SULT2B1: variants seen among roughly 807,000 people sequenced by gnomAD.
SULT2B1 encodes sulfotransferase family 2B member 1.
Under a neutral mutation model 33.2 loss-of-function variants are expected in SULT2B1, and 16 were observed. The observed-to-expected ratio is 0.48, with a 90% CI of 0.33 to 0.73. SULT2B1 has a LOEUF of 0.73. Among genes scored for constraint, SULT2B1 ranks in the 30% least tolerant of loss-of-function variants. SULT2B1 has a pLI of 0.02. For missense variants in SULT2B1, 500 were observed against 506.0 expected (o/e 0.99, Z 0.11); for synonymous variants, 186 against 200.5 (o/e 0.93, Z 0.61).
At chr19:48,568,281 A>G (rs12610737) in intron 1 of SULT2B1, among the ~76,000 whole-genome samples, 77,220 of 144,550 alleles carry the variant, frequency 0.53, 21,240 homozygotes, top group African/African-American at 0.65. Context: ...GTGAGACTCC[A>G]TCTCAAAAAA....
intron 2 of SULT2B1, among the ~76,000 whole-genome samples, chr19:48,582,940 C>T (rs1973512453): frequency 1.3e-5 from 2 of 148,804 alleles, no homozygotes; most frequent in Non-Finnish European, 3.0e-5. Context: ...ATAGCTTAAG[C>T]CCAGGAGTTC....
At chr19:48,556,826 T>G (rs564744763) in intron 1 of SULT2B1, among the ~76,000 whole-genome samples, 32 of 151,852 alleles carry the variant, frequency 2.1e-4, no homozygotes, top group African/African-American at 7.5e-4. Context: ...GCCACACACC[T>G]GTAATCTCAG....
chr19:48,557,564 A>G (rs1252799702), intron 1 of SULT2B1, among the ~76,000 whole-genome samples: 1 of 151,836 alleles, frequency 6.6e-6, no homozygotes, highest in African/African-American at 2.4e-5. Flanking sequence ...GAAATTTAAT[A>G]TGTGTTCCAT....
rs1050101224 is a variant in SULT2B1 at position 48,552,243 on chromosome 19, C to G, written c.-10C>G. ...GCTCGTCCTCCCCTCCCCACCCTCA[C>G]CCACCTGCCATGGACGGGCCCGCCG... On this transcript the variant is annotated 5_prime_UTR_variant, in exon 1 of 7. Transcript: ENST00000201586. The surrounding 1 kb of genome is among the most constrained non-coding windows in gnomAD (Gnocchi z 4.8). The G allele has an allele frequency of 1.2e-6, 2 of 1,613,432 alleles. No homozygotes were observed. Among genetic ancestry groups the G allele is most frequent in the African/African-American group, 1.3e-5 (1 of 75,060 alleles).
chr19:48,579,135 T>A (rs1344983497), intron 2 of SULT2B1, among the ~76,000 whole-genome samples: 1 of 152,174 alleles, frequency 6.6e-6, no homozygotes, highest in Non-Finnish European at 1.5e-5. Flanking sequence ...GTAGCATGTG[T>A]CAGAGTCTCA....
intron 1 of SULT2B1, among the ~76,000 whole-genome samples, chr19:48,556,653 A>T (rs142168974): frequency 1.0e-4 from 13 of 130,294 alleles, no homozygotes; most frequent in Admixed American, 4.5e-4. Context: ...TATGTGATTT[A>T]AAAAAAAAAA....
At chr19:48,579,518 A>G (rs533025257) in intron 2 of SULT2B1, among the ~76,000 whole-genome samples, 3 of 151,130 alleles carry the variant, frequency 2.0e-5, no homozygotes, top group East Asian at 3.9e-4. Flanking sequence ...TCCTGACCTC[A>G]TGATCCACCC....
At chr19:48,574,926 A>G (rs1973383452) in intron 1 of SULT2B1, among the ~76,000 whole-genome samples, 1 of 152,082 alleles carries the variant, frequency 6.6e-6, no homozygotes, top group Non-Finnish European at 1.5e-5. Flanking sequence ...ACATCACTGA[A>G]CAAACAAAGT....
At chr19:48,560,208 A>C (rs1973158254) in intron 1 of SULT2B1, among the ~76,000 whole-genome samples, 1 of 152,020 alleles carries the variant, frequency 6.6e-6, no homozygotes, top group South Asian at 2.1e-4. Context: ...TGAGCCAGAA[A>C]CTCGAATGCT....
intron 2 of SULT2B1, among the ~76,000 whole-genome samples, chr19:48,586,793 T>TA (rs1246736223): frequency 6.6e-6 from 1 of 152,096 alleles, no homozygotes; most frequent in Non-Finnish European, 1.5e-5. Flanking sequence ...ATCAGTGTGA[T>TA]AAAATAGGTG....
chr19:48,556,462 G>A lies in SULT2B1; in HGVS notation c.71+4139G>A, dbSNP rs557790366. 1.4e-4 allele frequency among the ~76,000 whole-genome samples: 22 copies of A among 152,170 alleles called. 1 individual carries two copies. The South Asian group carries it at 4.6e-3, about 32-fold the overall frequency. Reference sequence around the variant, plus strand: ...GGCAGGGAGTGCTGGGAAAGGGAATGGTTGGGGCACAGGGACACAGGTGGC... The same window carrying A: ...GGCAGGGAGTGCTGGGAAAGGGAATAGTTGGGGCACAGGGACACAGGTGGC... On this transcript the variant is annotated intron_variant, in intron 1 of 6. Coordinates refer to ENST00000201586, the MANE Select transcript of SULT2B1 (RefSeq NM_177973.2).
At chr19:48,561,601 G>A (rs990006044) in intron 1 of SULT2B1, among the ~76,000 whole-genome samples, 4 of 152,036 alleles carry the variant, frequency 2.6e-5, no homozygotes, top group African/African-American at 9.7e-5. Context: ...CGGTTCCACG[G>A]TGTAGTGGAG....
intron 5 of SULT2B1, chr19:48,596,518 C>A: frequency 1.9e-6 from 1 of 540,158 alleles, no homozygotes; most frequent in Non-Finnish European, 3.2e-6. Context: ...CCAAGCCCAC[C>A]TATTCCCTCC....
chr19:48,596,442 A>T, intron 5 of SULT2B1: 12 of 147,252 alleles, frequency 8.1e-5, no homozygotes, highest in Admixed American at 9.6e-5. Flanking sequence ...CCCCACTGTG[A>T]CCTCTGCCCC....
At chr19:48,564,551 C>CAAAAAAAAAAAA (rs770217698) in intron 1 of SULT2B1, among the ~76,000 whole-genome samples, 193 of 57,480 alleles carry the variant, frequency 3.4e-3, no homozygotes, top group Non-Finnish European at 4.2e-3. Flanking sequence ...GACTCCGTCT[C>CAAAAAAAAAAAA]AAAAAAAAAA....
At chr19:48,556,797 A>C (rs990854745) in intron 1 of SULT2B1, among the ~76,000 whole-genome samples, 1 of 151,880 alleles carries the variant, frequency 6.6e-6, no homozygotes, top group Non-Finnish European at 1.5e-5. Flanking sequence ...CTAAAAATAA[A>C]AAAATTAGCC....
rs1256256459 is a variant in SULT2B1 at position 48,599,177 on chromosome 19, G to A, written c.869G>A (p.Ser290Asn). ...AAGAACCACTTCACGGTGGCCCAGAGCGAAGCCTTCGATCGTGCCTACCGC... is the reference window on the plus strand; with the variant it reads ...AAGAACCACTTCACGGTGGCCCAGAACGAAGCCTTCGATCGTGCCTACCGC... Reference protein sequence around the residue: ...DWKNHFTVAQSEAFDRAYRKQ... With the variant: ...DWKNHFTVAQNEAFDRAYRKQ... Residue 290 changes from serine to asparagine, a missense_variant, in exon 7 of 7, where the codon AGC (serine) becomes AAC (asparagine). Coordinates refer to ENST00000201586, the MANE Select transcript of SULT2B1 (RefSeq NM_177973.2). The surrounding 1 kb of genome is among the most constrained non-coding windows in gnomAD (Gnocchi z 4.1). The A allele has an allele frequency of 6.3e-7, 1 of 1,599,124 alleles. No individual in the cohort carries two copies. Among genetic ancestry groups the A allele is most frequent in the East Asian group, 2.3e-5 (1 of 44,396 alleles).
At position 48,599,105 on chromosome 19, in the gene SULT2B1, C is replaced by T. The variant is rs1248240802; in HGVS notation, c.827-30C>T. 1.9e-6 allele frequency: 3 copies of T among 1,549,952 alleles called. No individual in the cohort carries two copies. The highest frequency in any genetic ancestry group is 2.6e-6 in the Non-Finnish European group (3 of 1,152,218). On this transcript the variant is annotated intron_variant, in intron 6 of 6. Coordinates refer to ENST00000201586, the MANE Select transcript of SULT2B1 (RefSeq NM_177973.2). This position sits in a 1 kb window ranked among gnomAD's most constrained non-coding sequence, Gnocchi z 4.1. ...AGGGGCGCAGTGCTCCCCAGAGGCT[C>T]CTCACCCCCTGGTGCCCCCTCTTCT... is the stretch of plus-strand genomic sequence containing the variant.
At chr19:48,566,100 C>T (rs10426286) in intron 1 of SULT2B1, among the ~76,000 whole-genome samples, 78,275 of 151,786 alleles carry the variant, frequency 0.52, 20,960 homozygotes, top group African/African-American at 0.66. Context: ...TTAGTAGAGA[C>T]GGGGTTTCAC....
Sources: gnomAD v4.1 joint callset for allele counts (sites outside exome capture counted in the v4.1 genomes callset) on GRCh38, gnomAD v4.1.1 for gene constraint, Gnocchi (gnomAD v3.1) non-coding constraint, MANE v1.5 for transcripts, NCBI Gene and HGNC (gene_info 2026-07-23, HGNC 2026-07-21) for gene names.